Variants in MLF2 observed in about 807,000 individuals in gnomAD.
The protein encoded by MLF2 is myeloid leukemia factor 2.
MLF2 carries 12 observed loss-of-function variants against 31.4 expected under a neutral mutation model. The ratio of observed to expected loss-of-function variants is 0.38; its 90% confidence interval spans 0.24 to 0.62. The LOEUF is 0.62. Ranked by LOEUF, MLF2 falls within the 20% of genes least tolerant of loss-of-function variation. The pLI, the probability that MLF2 is intolerant of heterozygous loss-of-function variation, is 0.58. For synonymous variants in MLF2, 109 were observed against 118.8 expected (o/e 0.92, Z 0.54); for missense variants, 272 against 359.7 (o/e 0.76, Z 1.97).
chr12:6,751,847 T>C (rs1941619721), intron 3 of MLF2, 78 bp downstream of exon 3: 16 of 1,590,004 alleles, frequency 1.0e-5, no homozygotes, highest in Non-Finnish European at 1.4e-5. Context: ...CAGTTGGCTG[T>C]AGTGCAAGAA....
chr12:6,751,206 TTAA>T (rs1173006112), intron 4 of MLF2: 3 of 245,612 alleles, frequency 1.2e-5, no homozygotes, highest in Non-Finnish European at 2.4e-5. Flanking sequence ...AGTACAACAG[TTAA>T]TAACATCTTT....
chr12:6,749,788 G>A lies in MLF2; in HGVS notation c.559+60C>T. On this transcript the variant is annotated intron_variant, in intron 7 of 8. Coordinates refer to ENST00000203630, the MANE Select transcript of MLF2 (RefSeq NM_001382226.1). This position sits in a 1 kb window ranked among gnomAD's most constrained non-coding sequence, Gnocchi z 5.3. ...TTGCCCCAGAAGTGTCTATGTGTTA[G>A]GGATGTCCACGGGAACCGGGTTAGG... The A allele has an allele frequency of 1.2e-6, 2 of 1,600,866 alleles. No homozygotes were observed. The highest frequency in any genetic ancestry group is 1.1e-5 in the South Asian group (1 of 90,154).
chr12:6,750,540 G>T lies in MLF2; in HGVS notation c.270+173C>A. The T allele has an allele frequency of 2.2e-6, 2 of 901,204 alleles. No homozygotes were observed. The highest frequency in any genetic ancestry group is 1.7e-5 in the African/African-American group (1 of 59,774). The allele number at this position is 901,204 out of a possible 1,614,324, so 55.8% of individuals were successfully genotyped here. ...CTACGTAAGAGAGCTGCTGCCGGCT[G>T]CTTCAGGCAGGCATGACAGCAGGTA... On this transcript the variant is annotated intron_variant, in intron 5 of 8. Transcript: ENST00000203630. This position sits in a 1 kb window ranked among gnomAD's most constrained non-coding sequence, Gnocchi z 5.3.
rs749254008 is a variant in MLF2, at chr12:6,749,831, CG to C, written c.559+16del. The C allele has an allele frequency of 1.2e-6, 2 of 1,612,940 alleles. No homozygotes were observed. The highest frequency in any genetic ancestry group is 4.5e-5 in the East Asian group (2 of 44,856). On this transcript the variant is annotated intron_variant, in intron 7 of 8. Transcript: ENST00000203630. The surrounding 1 kb of genome is among the most constrained non-coding windows in gnomAD (Gnocchi z 5.3). Reference sequence around the variant, plus strand: ...GGGTTAGGGGCTGCCAGCCAGGAAGCGGGAGGGAAGGCTCACTCTCATCCAG... The same window carrying C: ...GGGTTAGGGGCTGCCAGCCAGGAAGCGGAGGGAAGGCTCACTCTCATCCAG...
At chr12:6,751,217 TTTTC>T (rs1427585710) in intron 4 of MLF2, 1 of 235,452 alleles carries the variant, frequency 4.2e-6, no homozygotes, top group Non-Finnish European at 8.2e-6. Context: ...TAATAACATC[TTTTC>T]TTTTTTTTTT....
chr12:6,753,138 A>C lies in MLF2; in HGVS notation c.-228T>G. On this transcript the variant is annotated 5_prime_UTR_variant, in exon 1 of 9. Coordinates refer to ENST00000203630, the MANE Select transcript of MLF2 (RefSeq NM_001382226.1). ...CCGAACCTCGGCCAGGCCCGGGCGG[A>C]AGTGACGTCACGATAGACCCGCCCA... is the stretch of plus-strand genomic sequence containing the variant. The C allele has an allele frequency of 2.6e-6, 1 of 391,210 alleles. No individual in the cohort carries two copies. Among genetic ancestry groups the C allele is most frequent in the Middle Eastern group, 6.4e-4 (1 of 1,560 alleles). The allele number at this position is 391,210 out of a possible 1,614,324, so 24.2% of individuals were successfully genotyped here. A position where few individuals can be genotyped will look rare whatever the true frequency, so the allele number is the denominator to read the frequency against.
At chr12:6,751,572 A>G in intron 4 of MLF2, 69 bp downstream of exon 4, 1 of 1,526,952 alleles carries the variant, frequency 6.5e-7, no homozygotes, top group Non-Finnish European at 9.1e-7. Context: ...TAAGAGGCAC[A>G]TTTGGGAATA....
Position 6,752,317 on chromosome 12 carries a change from C to T in MLF2, c.18G>A (p.Arg6=), listed in dbSNP as rs1941629081. The change falls in exon 2 of 9, where the codon AGG becomes AGA. Residue 6 remains arginine (R), a synonymous_variant. Coordinates refer to ENST00000203630, the MANE Select transcript of MLF2 (RefSeq NM_001382226.1). The surrounding 1 kb of genome is among the most constrained non-coding windows in gnomAD (Gnocchi z 4.6). The part of the protein sequence containing the change: MFRFM[R]DVEPEDPMFL... Reference sequence around the variant, plus strand: ...ACATGGGATCCTCAGGCTCCACGTCCCTCATGAAGCGGAACATCCTGATCT... The same window carrying T: ...ACATGGGATCCTCAGGCTCCACGTCTCTCATGAAGCGGAACATCCTGATCT... 6.4e-7 allele frequency: 1 copy of T among 1,561,344 alleles called. No homozygotes were observed. The highest frequency in any genetic ancestry group is 1.2e-5 in the South Asian group (1 of 84,768).
In MLF2 at chr12:6,748,615, T is replaced by C. The variant is rs1941560989; in HGVS notation, c.*26-68A>G. 1 of 566,338 alleles carries C rather than the reference T, an allele frequency of 1.8e-6. No homozygotes were observed. The highest frequency in any genetic ancestry group is 2.0e-5 in the African/African-American group (1 of 50,704). The allele number at this position is 566,338 out of a possible 1,614,324, so 35.1% of individuals were successfully genotyped here. A position where few individuals can be genotyped will look rare whatever the true frequency, so the allele number is the denominator to read the frequency against. On this transcript the variant is annotated intron_variant, in intron 8 of 8. Coordinates refer to ENST00000203630, the MANE Select transcript of MLF2 (RefSeq NM_001382226.1). The surrounding 1 kb of genome is among the most constrained non-coding windows in gnomAD (Gnocchi z 4.6). ...AAAACTTACGTTAAGAGCCAGGAGT[T>C]GGGGTTTAATCCCCTATGTCAGTGA...
Position 6,750,867 on chromosome 12 carries a change from T to C in MLF2, c.217-101A>G. 1.0e-6 allele frequency: 1 copy of C among 987,610 alleles called. No individual in the cohort carries two copies. The highest frequency in any genetic ancestry group is 2.5e-5 in the East Asian group (1 of 40,686). 61.2% of individuals were successfully genotyped at this position (987,610 alleles called of 1,614,324 possible). ...AACCCACATGGCTGCACATTTCCTT[T>C]CTCTTCTTCCTTCACATCTAGCAAG... On this transcript the variant is annotated intron_variant, in intron 4 of 8. Coordinates refer to ENST00000203630, the MANE Select transcript of MLF2 (RefSeq NM_001382226.1). This position sits in a 1 kb window ranked among gnomAD's most constrained non-coding sequence, Gnocchi z 5.3.
At position 6,748,491 on chromosome 12, in the gene MLF2, G is replaced by A. The variant is rs138574027; in HGVS notation, c.*82C>T. 745 of 284,490 alleles carry A rather than the reference G, an allele frequency of 2.6e-3. 5 individuals are homozygous for A. Among genetic ancestry groups the A allele is most frequent in the African/African-American group, 0.016 (688 of 43,644 alleles). 17.6% of individuals were successfully genotyped at this position (284,490 alleles called of 1,614,324 possible). ...GTTAATTTAATATTAAATTGGGGAT[G>A]GGAATCGAGAGGAAAAAGTTATTCA... On this transcript the variant is annotated 3_prime_UTR_variant, in exon 9 of 9. Transcript: ENST00000203630. The surrounding 1 kb of genome is among the most constrained non-coding windows in gnomAD (Gnocchi z 4.6).
chr12:6,753,092 G>GC lies in MLF2; in HGVS notation c.-183_-182insG, dbSNP rs1941641646. The GC allele has an allele frequency of 1.3e-5, 5 of 390,330 alleles. No individual in the cohort carries two copies. The highest frequency in any genetic ancestry group is 2.1e-5 in the African/African-American group (1 of 48,346). The allele number at this position is 390,330 out of a possible 1,614,324, so 24.2% of individuals were successfully genotyped here. A position where few individuals can be genotyped will look rare whatever the true frequency, so the allele number is the denominator to read the frequency against. ...CCTCCCACAGCTGCCACCTCCGTAC[G>GC]GCCCCCTCGGCCAACGGAGCCCGAA... On this transcript the variant is annotated 5_prime_UTR_variant, in exon 1 of 9. Coordinates refer to ENST00000203630, the MANE Select transcript of MLF2 (RefSeq NM_001382226.1).
Position 6,748,068 on chromosome 12 carries a change from A to C in MLF2, c.*505T>G, listed in dbSNP as rs371908667. 2 of 152,274 alleles carry C rather than the reference A, an allele frequency of 1.3e-5. No individual in the cohort carries two copies. Among genetic ancestry groups the C allele is most frequent in the South Asian group, 2.1e-4 (1 of 4,830 alleles). The allele number at this position is 152,274 out of a possible 1,614,324, so 9.4% of individuals were successfully genotyped here. A position where few individuals can be genotyped will look rare whatever the true frequency, so the allele number is the denominator to read the frequency against. ...CACAAATCAAAAAATAAAGGCAGAG[A>C]AGGGTGTAGGGAAGATTCTTTTGAT... On this transcript the variant is annotated 3_prime_UTR_variant, in exon 9 of 9. Coordinates refer to ENST00000203630, the MANE Select transcript of MLF2 (RefSeq NM_001382226.1). The surrounding 1 kb of genome is among the most constrained non-coding windows in gnomAD (Gnocchi z 4.6).
At position 6,749,759 on chromosome 12, in the gene MLF2, A is replaced by G; in HGVS notation, c.559+89T>C. On this transcript the variant is annotated intron_variant, in intron 7 of 8. Coordinates refer to ENST00000203630, the MANE Select transcript of MLF2 (RefSeq NM_001382226.1). The surrounding 1 kb of genome is among the most constrained non-coding windows in gnomAD (Gnocchi z 5.3). ...AAAAAGGAATATGGGGCTGACCCAG[A>G]GCTTTGCCCCAGAAGTGTCTATGTG... is the stretch of plus-strand genomic sequence containing the variant. The G allele has an allele frequency of 1.3e-6, 2 of 1,499,548 alleles. No individual in the cohort carries two copies. Among genetic ancestry groups the G allele is most frequent in the Non-Finnish European group, 1.8e-6 (2 of 1,096,204 alleles). 92.9% of individuals were successfully genotyped at this position (1,499,548 alleles called of 1,614,324 possible). A position where few individuals can be genotyped will look rare whatever the true frequency, so the allele number is the denominator to read the frequency against.
chr12:6,752,488 C>A lies in MLF2; in HGVS notation c.-28-126G>T, dbSNP rs940384163. On this transcript the variant is annotated intron_variant, in intron 1 of 8. Coordinates refer to ENST00000203630, the MANE Select transcript of MLF2 (RefSeq NM_001382226.1). The surrounding 1 kb of genome is among the most constrained non-coding windows in gnomAD (Gnocchi z 4.6). Reference sequence around the variant, plus strand: ...ACTGACCCCCTAAACTCCAGGGAGACCCTACTCCAGGTGTTCCACACAACC... The same window carrying A: ...ACTGACCCCCTAAACTCCAGGGAGAACCTACTCCAGGTGTTCCACACAACC... 5.4e-6 allele frequency: 4 copies of A among 739,824 alleles called. No homozygotes were observed. The highest frequency in any genetic ancestry group is 5.3e-5 in the African/African-American group (3 of 56,462). 45.8% of individuals were successfully genotyped at this position (739,824 alleles called of 1,614,324 possible).
In MLF2 at chr12:6,751,938, C is replaced by A. The variant is rs371652310; in HGVS notation, c.167G>T (p.Arg56Leu). The A allele has an allele frequency of 3.1e-6, 5 of 1,614,156 alleles. No individual in the cohort carries two copies. Among genetic ancestry groups the A allele is most frequent in the Non-Finnish European group, 4.2e-6 (5 of 1,180,020 alleles). ...GNMPGTRPAS[R>L]RMQQAGAVSP... ...CAGCATCATTACCTGCTGCATCCGG[C>A]GGCTGGCAGGCCTGGTCCCTGGCAT... The change falls in exon 3 of 9, where the codon CGC (arginine) becomes CTC (leucine). Residue 56 changes from arginine to leucine, a missense_variant. By Grantham distance (102) the Arg-to-Leu change is moderately radical (BLOSUM62 -2). Transcript: ENST00000203630.
At chr12:6,751,825 A>G in intron 3 of MLF2, 100 bp downstream of exon 3, 2 of 1,576,324 alleles carry the variant, frequency 1.3e-6, no homozygotes, top group South Asian at 2.2e-5. Flanking sequence ...CTCCTAGAGC[A>G]TTTCACTTGC....
chr12:6,748,814 G>A lies in MLF2; in HGVS notation c.728C>T (p.Ser243Phe). ...QGPEDSPSRQ[S>F]RRYDW ...GGGCCCTCACCAGTCATAGCGGCGG[G>A]ACTGTCGGGAAGGGGAGTCCTCAGG... Residue 243 changes from serine (S) to phenylalanine (F), a missense_variant, in exon 8 of 9, where the codon TCC (serine) becomes TTC (phenylalanine). Coordinates refer to ENST00000203630, the MANE Select transcript of MLF2 (RefSeq NM_001382226.1). The surrounding 1 kb of genome is among the most constrained non-coding windows in gnomAD (Gnocchi z 4.6). 6.5e-7 allele frequency: 1 copy of A among 1,542,380 alleles called. No individual in the cohort carries two copies. The highest frequency in any genetic ancestry group is 8.7e-7 in the Non-Finnish European group (1 of 1,152,992).
rs1429004508 is a variant in MLF2, at chr12:6,748,277, T to C, written c.*296A>G. On this transcript the variant is annotated 3_prime_UTR_variant, in exon 9 of 9. Coordinates refer to ENST00000203630, the MANE Select transcript of MLF2 (RefSeq NM_001382226.1). This position sits in a 1 kb window ranked among gnomAD's most constrained non-coding sequence, Gnocchi z 4.6. Reference sequence around the variant, plus strand: ...CAAAATGCATTGACCCTTCAATGCATGGCAGGAGTAGGATGGGAAAGGTGA... The same window carrying C: ...CAAAATGCATTGACCCTTCAATGCACGGCAGGAGTAGGATGGGAAAGGTGA... 1 of 152,682 alleles carries C rather than the reference T, an allele frequency of 6.5e-6. No individual in the cohort carries two copies. Among genetic ancestry groups the C allele is most frequent in the Non-Finnish European group, 1.5e-5 (1 of 68,166 alleles). 9.5% of individuals were successfully genotyped at this position (152,682 alleles called of 1,614,324 possible).
Sources: gnomAD v4.1 joint callset for allele counts on GRCh38, gnomAD v4.1.1 for gene constraint, Gnocchi (gnomAD v3.1) non-coding constraint, MANE v1.5 for transcripts, NCBI Gene and HGNC (gene_info 2026-07-23, HGNC 2026-07-21) for gene names.